Variants in CDC123 observed in about 807,000 individuals in gnomAD.
CDC123 encodes translation initiation factor eIF2 assembly protein.
Under a neutral mutation model 54.4 loss-of-function variants are expected in CDC123, and 37 were observed. That is an observed-to-expected ratio of 0.68 (90% CI 0.52 to 0.89). The LOEUF (loss-of-function observed/expected upper bound fraction) is 0.89, where lower values mean the gene tolerates loss of function less well. Among genes scored for constraint, CDC123 ranks in the 40% least tolerant of loss-of-function variants. The pLI, the probability that CDC123 is intolerant of heterozygous loss-of-function variation, is 0.00. For missense variants in CDC123, 361 were observed against 412.1 expected (o/e 0.88, Z 1.07); for synonymous variants, 144 against 136.8 (o/e 1.05, Z -0.37).
intron 2 of CDC123, among the ~76,000 whole-genome samples, chr10:12,207,875 G>A (rs183303791): frequency 2.7e-3 from 416 of 152,246 alleles, no homozygotes; most frequent in Non-Finnish European, 4.7e-3. Flanking sequence ...TTACCAAAGG[G>A]GCTGAGGAGA....
intron 9 of CDC123, 75 bp downstream of exon 9, chr10:12,237,341 G>A (rs1835992364): frequency 4.9e-6 from 6 of 1,224,290 alleles, no homozygotes; most frequent in Non-Finnish European, 6.5e-6. Context: ...ACTATGGTGT[G>A]TATCCTAATA....
At chr10:12,207,911 A>G (rs373502626) in intron 2 of CDC123, among the ~76,000 whole-genome samples, 1 of 152,186 alleles carries the variant, frequency 6.6e-6, no homozygotes, top group African/African-American at 2.4e-5. Flanking sequence ...GTGCAAGGTA[A>G]GGAGATGGAT....
chr10:12,198,620 C>G (rs1021408564), intron 1 of CDC123, 85 bp from the exon 2 acceptor site: 2 of 766,662 alleles, frequency 2.6e-6, no homozygotes, highest in African/African-American at 3.6e-5. Flanking sequence ...AAAGACAATT[C>G]CAAAATTAAT....
rs531763796 is a variant in CDC123 at position 12,236,024 on chromosome 10, G to T, written c.565+901G>T. 2.6e-5 allele frequency among the ~76,000 whole-genome samples: 4 copies of T among 152,308 alleles called. No homozygotes were observed. The South Asian group carries it at 6.2e-4, about 24-fold the overall frequency. On this transcript the variant is annotated intron_variant, in intron 8 of 12. Transcript: ENST00000281141. ...AAAAAGGAATGTTTACTTTTCCATGGCTTGAACGAGAGCAGGCTGTGAAGG... is the reference window on the plus strand; with the variant it reads ...AAAAAGGAATGTTTACTTTTCCATGTCTTGAACGAGAGCAGGCTGTGAAGG...
intron 4 of CDC123, 147 bp downstream of exon 4, chr10:12,210,469 G>T: frequency 1.0e-6 from 1 of 979,896 alleles, no homozygotes; most frequent in South Asian, 2.2e-5. Flanking sequence ...TTTTTATTTT[G>T]AAAAATAACT....
chr10:12,238,021 A>C (rs1836002351), intron 9 of CDC123, among the ~76,000 whole-genome samples: 1 of 152,142 alleles, frequency 6.6e-6, no homozygotes, highest in Non-Finnish European at 1.5e-5. Flanking sequence ...GCTCTGTGGC[A>C]GATTTGACTT....
At chr10:12,224,864 G>A (rs1250470949) in intron 6 of CDC123, among the ~76,000 whole-genome samples, 1 of 152,106 alleles carries the variant, frequency 6.6e-6, no homozygotes, top group Non-Finnish European at 1.5e-5. Context: ...AGTGACCTTG[G>A]TGGGATTTAG....
chr10:12,212,118 A>G (rs1835610813), intron 4 of CDC123, among the ~76,000 whole-genome samples: 1 of 152,156 alleles, frequency 6.6e-6, no homozygotes, highest in Non-Finnish European at 1.5e-5. Flanking sequence ...ATAAATATGT[A>G]TAGATGATAG....
chr10:12,220,773 C>G (rs1835725242), intron 6 of CDC123, among the ~76,000 whole-genome samples: 3 of 152,054 alleles, frequency 2.0e-5, no homozygotes, highest in Admixed American at 2.0e-4. Context: ...GTCAGGAGAT[C>G]CAGATCATCC....
intron 2 of CDC123, among the ~76,000 whole-genome samples, chr10:12,201,844 G>A (rs183423901): frequency 6.6e-6 from 1 of 152,318 alleles, no homozygotes; most frequent in East Asian, 1.9e-4. Context: ...ACCTGCTAGT[G>A]GCTTGAACTA....
At chr10:12,210,959 C>T (rs1301382171) in intron 4 of CDC123, among the ~76,000 whole-genome samples, 2 of 152,164 alleles carry the variant, frequency 1.3e-5, no homozygotes, top group Non-Finnish European at 2.9e-5. Context: ...GCCTCGGCCT[C>T]CCAAAGTCCT....
At position 12,226,745 on chromosome 10, in the gene CDC123, G is replaced by A. The variant is rs1414246818; in HGVS notation, c.441-4203G>A. On this transcript the variant is annotated intron_variant, in intron 6 of 12. Coordinates refer to ENST00000281141, the MANE Select transcript of CDC123 (RefSeq NM_006023.3). ...CCATTTCCTAGACGGGATGGCGGCC[G>A]GGAAGAGGTGCTCCTCACTTCCCAG... Among the ~76,000 whole-genome samples, 7 of 151,470 alleles carry A rather than the reference G, an allele frequency of 4.6e-5. 1 individual carries two copies. In the Middle Eastern group the frequency reaches 0.014, roughly 296 times the overall value.
intron 3 of CDC123, 110 bp from the exon 4 acceptor site, chr10:12,210,180 G>A (rs754803978): frequency 3.7e-5 from 55 of 1,467,870 alleles, no homozygotes; most frequent in Middle Eastern, 2.1e-4. Context: ...GCTGTATTCC[G>A]GAAAAGATGT....
At chr10:12,234,907 C>T in intron 7 of CDC123, 141 bp from the exon 8 acceptor site, 1 of 597,856 alleles carries the variant, frequency 1.7e-6, no homozygotes, top group Admixed American at 2.9e-5. Flanking sequence ...TGCCATCATG[C>T]CCGGCCAAGA....
At chr10:12,219,106 CT>C (rs34675412) in intron 6 of CDC123, among the ~76,000 whole-genome samples, 3 of 152,038 alleles carry the variant, frequency 2.0e-5, no homozygotes, top group Admixed American at 1.3e-4. Context: ...GACTCAAATC[CT>C]TTTTTTGAAG....
chr10:12,215,991 G>A, intron 5 of CDC123, 156 bp downstream of exon 5: 1 of 510,944 alleles, frequency 2.0e-6, no homozygotes, highest in South Asian at 3.1e-5. Flanking sequence ...TTTACTTTCC[G>A]GATTTTGCTA....
intron 2 of CDC123, among the ~76,000 whole-genome samples, chr10:12,202,388 A>G (rs1423418621): frequency 6.6e-6 from 1 of 152,212 alleles, no homozygotes; most frequent in Non-Finnish European, 1.5e-5. Context: ...CTCTCACACC[A>G]CAACAATCAA....
At chr10:12,218,917 G>C (rs898125300) in intron 6 of CDC123, among the ~76,000 whole-genome samples, 1 of 152,122 alleles carries the variant, frequency 6.6e-6, no homozygotes, top group Non-Finnish European at 1.5e-5. Context: ...TATTTTTCTA[G>C]GTTTTTCTTC....
intron 6 of CDC123, among the ~76,000 whole-genome samples, chr10:12,225,428 T>G (rs1835796794): frequency 6.6e-6 from 1 of 151,956 alleles, no homozygotes; most frequent in Non-Finnish European, 1.5e-5. Context: ...GAAAAGAAAA[T>G]ATGTGTCTAG....
Sources: gnomAD v4.1 joint callset for allele counts (sites outside exome capture counted in the v4.1 genomes callset) on GRCh38, gnomAD v4.1.1 for gene constraint, MANE v1.5 for transcripts, NCBI Gene and HGNC (gene_info 2026-07-23, HGNC 2026-07-21) for gene names.